Variants in KLHL7 observed in about 807,000 individuals in gnomAD.
The protein encoded by KLHL7 is kelch like family member 7.
In KLHL7, 44 loss-of-function variants were observed where a neutral mutation model predicts 67.4. That is an observed-to-expected ratio of 0.65 (90% confidence interval 0.51 to 0.84). The LOEUF is 0.84. KLHL7 is among the 40% of genes least tolerant of loss of function. KLHL7 has a pLI of 0.00. For missense variants in KLHL7, 362 were observed against 718.1 expected (o/e 0.50, Z 5.67); for synonymous variants, 252 against 243.3 (o/e 1.04, Z -0.33).
In KLHL7 at chr7:23,167,869, A is replaced by G; in HGVS notation, c.1211A>G (p.Asp404Gly). The change falls in exon 9 of 11, where the codon GAT becomes GGT. Residue 404 changes from aspartate (D) to glycine (G), a missense_variant. By Grantham distance (94) the Asp-to-Gly change is moderately conservative. This residue lies in a region of KLHL7 where 136 missense variants were observed against 252.7 expected (regional missense o/e 0.54). Coordinates refer to ENST00000339077, the MANE Select transcript of KLHL7 (RefSeq NM_001031710.3). ...NSALYLFECY[D>G]TRTESWHTKP... ...GCTCTGTATTTATTTGAGTGCTATGATACGAGAACTGAAAGCTGGCACACA... is the reference window on the plus strand; with the variant it reads ...GCTCTGTATTTATTTGAGTGCTATGGTACGAGAACTGAAAGCTGGCACACA... 1 of 1,614,196 alleles carries G rather than the reference A, an allele frequency of 6.2e-7. No homozygotes were observed. Among genetic ancestry groups the G allele is most frequent in the Non-Finnish European group, 8.5e-7 (1 of 1,180,034 alleles).
In KLHL7 at chr7:23,173,046, G is replaced by A. The variant is rs866274038; in HGVS notation, c.1477+1G>A. On this transcript the variant is annotated splice_donor_variant, in intron 10 of 10. Transcript: ENST00000339077. LOFTEE classifies it high-confidence loss of function. ...GCTGTGGGTGGTCAGAATGGTTTAG[G>A]TATGTGATGTTAATTCACTGTTCCA... is the stretch of plus-strand genomic sequence containing the variant. 1.2e-6 allele frequency: 2 copies of A among 1,603,028 alleles called. No homozygotes were observed. The highest frequency in any genetic ancestry group is 1.7e-6 in the Non-Finnish European group (2 of 1,170,000).
intron 7 of KLHL7, among the ~76,000 whole-genome samples, chr7:23,154,039 T>C (rs1429323663): frequency 6.6e-6 from 1 of 152,172 alleles, no homozygotes; most frequent in Non-Finnish European, 1.5e-5. Context: ...AAGCAAATGG[T>C]CATGGCTGTG....
At chr7:23,159,777 G>GA (rs1784808905) in intron 7 of KLHL7, among the ~76,000 whole-genome samples, 1 of 152,156 alleles carries the variant, frequency 6.6e-6, no homozygotes, top group Non-Finnish European at 1.5e-5. Flanking sequence ...CAATCTGCCT[G>GA]CCTCAACCTC....
At chr7:23,149,447 T>G (rs1364279260) in intron 6 of KLHL7, among the ~76,000 whole-genome samples, 1 of 152,204 alleles carries the variant, frequency 6.6e-6, no homozygotes, top group Non-Finnish European at 1.5e-5. Context: ...TACCTTTCTC[T>G]TACTGGGAAT....
chr7:23,172,749 C>T, intron 9 of KLHL7, 199 bp from the exon 10 acceptor site: 1 of 512,504 alleles, frequency 2.0e-6, no homozygotes. Context: ...GAATAAAATC[C>T]ATGTTTTCCC....
At chr7:23,144,502 A>C (rs1200191007) in intron 6 of KLHL7, among the ~76,000 whole-genome samples, 2 of 152,168 alleles carry the variant, frequency 1.3e-5, no homozygotes, top group South Asian at 2.1e-4. Context: ...ACAATTAAAC[A>C]ATCTGTTGCT....
At chr7:23,125,299 T>G in intron 4 of KLHL7, 127 bp downstream of exon 4, 1 of 934,870 alleles carries the variant, frequency 1.1e-6, no homozygotes, top group Non-Finnish European at 1.6e-6. Context: ...CTAGAACGTT[T>G]TCTAGTAATA....
In KLHL7 at chr7:23,174,653, T is replaced by G. The variant is rs1188237051; in HGVS notation, c.*355T>G. 1 of 465,662 alleles carries G rather than the reference T, an allele frequency of 2.1e-6. No individual in the cohort carries two copies. The highest frequency in any genetic ancestry group is 2.0e-5 in the African/African-American group (1 of 50,670). 28.8% of individuals were successfully genotyped at this position (465,662 alleles called of 1,614,324 possible). A position where few individuals can be genotyped will look rare whatever the true frequency, so the allele number is the denominator to read the frequency against. ...ATCTTAGCTCTAGATTCTATTTTCA[T>G]GCATCACAGAAGTGCTATACGGTTA... is the stretch of plus-strand genomic sequence containing the variant. On this transcript the variant is annotated 3_prime_UTR_variant, in exon 11 of 11. Transcript: ENST00000339077.
intron 7 of KLHL7, among the ~76,000 whole-genome samples, chr7:23,153,863 G>C (rs1166852270): frequency 6.6e-6 from 1 of 152,204 alleles, no homozygotes; most frequent in Admixed American, 6.5e-5. Context: ...TAATATGTAG[G>C]AGGTGCTAGG....
rs397889904 is a variant in KLHL7 at position 23,147,094 on chromosome 7, C to CTTTT, written c.793+3084_793+3087dup. 1.7e-5 allele frequency among the ~76,000 whole-genome samples: 2 copies of CTTTT among 118,580 alleles called. 1 individual carries two copies. The highest frequency in any genetic ancestry group is 6.2e-5 in the African/African-American group (2 of 32,504). The allele number at this position is 118,580 out of a possible 152,430, so 77.8% of individuals were successfully genotyped here. The stretch of plus-strand genomic sequence containing the variant: ...TCTATGTATTACTTATTAACCTGGA[C>CTTTT]TTTTTTTTTTTTTTTTTTAGACAGT... On this transcript the variant is annotated intron_variant, in intron 6 of 10. Transcript: ENST00000339077.
At chr7:23,108,125 C>A (rs774764604) in intron 1 of KLHL7, among the ~76,000 whole-genome samples, 57 of 152,166 alleles carry the variant, frequency 3.7e-4, no homozygotes, top group Non-Finnish European at 5.4e-4. Flanking sequence ...CTTTAAGGAT[C>A]AGGATAATGA....
chr7:23,148,759 G>A (rs1414632369), intron 6 of KLHL7, among the ~76,000 whole-genome samples: 1 of 152,232 alleles, frequency 6.6e-6, no homozygotes, highest in Non-Finnish European at 1.5e-5. Context: ...AAACAGGATA[G>A]CAGTATTATT....
intron 7 of KLHL7, chr7:23,156,115 G>A (rs1784698707): frequency 5.7e-6 from 2 of 352,236 alleles, no homozygotes; most frequent in South Asian, 4.4e-5. Flanking sequence ...GAAAATTTAT[G>A]GGAAAATTTA....
intron 7 of KLHL7, among the ~76,000 whole-genome samples, chr7:23,161,519 G>C (rs1271318626): frequency 3.3e-5 from 5 of 152,164 alleles, no homozygotes; most frequent in Non-Finnish European, 7.3e-5. Context: ...ATTCCTAGGA[G>C]AAAAATTGCT....
chr7:23,161,838 C>A (rs1470619512), intron 7 of KLHL7, among the ~76,000 whole-genome samples: 1 of 152,206 alleles, frequency 6.6e-6, no homozygotes, highest in East Asian at 1.9e-4. Flanking sequence ...CAAATGTGAA[C>A]TATCACTCAA....
Position 23,116,161 on chromosome 7 carries a change from C to T in KLHL7, c.121-7616C>T, listed in dbSNP as rs1252366211. On this transcript the variant is annotated intron_variant, in intron 1 of 10. Coordinates refer to ENST00000339077, the MANE Select transcript of KLHL7 (RefSeq NM_001031710.3). ...CCTGATTGTTCTGCACTTTTGTGTG[C>T]CCATTAAGATCCTGTCATGCTGTGA... is the stretch of plus-strand genomic sequence containing the variant. Among the ~76,000 whole-genome samples the T allele has an allele frequency of 2.0e-5, 3 of 152,312 alleles. No homozygotes were observed. The East Asian group carries it at 5.8e-4, about 29-fold the overall frequency.
chr7:23,173,617 C>T (rs945529139), intron 10 of KLHL7, among the ~76,000 whole-genome samples: 4 of 152,048 alleles, frequency 2.6e-5, no homozygotes, highest in African/African-American at 4.8e-5. Context: ...TTAAGTGTAC[C>T]AGTAACTTCT....
intron 1 of KLHL7, among the ~76,000 whole-genome samples, 170 bp from the exon 2 acceptor site, chr7:23,123,607 G>C (rs139295658): frequency 6.6e-6 from 1 of 152,124 alleles, no homozygotes; most frequent in East Asian, 1.9e-4. Context: ...ACATGGCAGC[G>C]ACTCTGTAAG....
At chr7:23,131,436 G>T (rs1388968963) in intron 4 of KLHL7, among the ~76,000 whole-genome samples, 1 of 152,084 alleles carries the variant, frequency 6.6e-6, no homozygotes, top group Non-Finnish European at 1.5e-5. Context: ...CTTTAAAGAG[G>T]ATTATAGTAG....
Sources: allele counts gnomAD v4.1 joint callset (sites outside exome capture counted in the v4.1 genomes callset), GRCh38; gene constraint gnomAD v4.1.1; regional missense constraint gnomAD v4.1.1; transcripts MANE v1.5; gene names NCBI Gene and HGNC (gene_info 2026-07-23, HGNC 2026-07-21).